The following RNF125 variants were observed in gnomAD, a reference collection of about 807,000 sequenced individuals.
The protein encoded by RNF125 is ring finger protein 125, also known as E3 ubiquitin-protein ligase RNF125.
Under a neutral mutation model 26.0 loss-of-function variants are expected in RNF125, and 21 were observed. The ratio of observed to expected loss-of-function variants is 0.81; its 90% CI spans 0.57 to 1.16. The LOEUF is 1.16. Ranked by LOEUF, RNF125 falls within the 50% of genes most tolerant of loss-of-function variation. The pLI is 0.00. For synonymous variants in RNF125, 95 were observed against 109.2 expected, an observed-to-expected ratio of 0.87 and a Z score of 0.81; for missense variants, 270 against 299.4, an observed-to-expected ratio of 0.90 and a Z score of 0.72.
chr18:32,052,654 G>A (rs1243728543), intron 4 of RNF125, among the ~76,000 whole-genome samples: 1 of 152,144 alleles, frequency 6.6e-6, no homozygotes, highest in East Asian at 1.9e-4. Context: ...CACATGGGAA[G>A]TGTTCTATAA....
intron 4 of RNF125, among the ~76,000 whole-genome samples, chr18:32,053,697 G>C (rs1367686205): frequency 1.3e-5 from 2 of 151,970 alleles, no homozygotes; most frequent in Non-Finnish European, 2.9e-5. Context: ...GAGCGCGGGA[G>C]GTAGAGGCTG....
intron 4 of RNF125, among the ~76,000 whole-genome samples, chr18:32,061,865 A>C (rs1340833191): frequency 1.3e-5 from 2 of 152,224 alleles, no homozygotes; most frequent in African/African-American, 4.8e-5. Context: ...TATAATAGTA[A>C]ATGGTGTATT....
the RNF125 span, among the ~76,000 whole-genome samples, chr18:32,089,796 C>T: frequency 6.6e-6 from 1 of 152,042 alleles, no homozygotes; most frequent in East Asian, 1.9e-4. Context: ...AGTAAAGCTG[C>T]CGTTGCAGAG....
the RNF125 span, among the ~76,000 whole-genome samples, chr18:32,089,866 A>G: frequency 3.3e-5 from 5 of 152,214 alleles, no homozygotes; most frequent in Non-Finnish European, 7.3e-5. Flanking sequence ...GATATTCCCA[A>G]TGAATAATGG....
At position 32,042,179 on chromosome 18, in the gene RNF125, G is replaced by T; in HGVS notation, c.319G>T (p.Val107Phe). The T allele has an allele frequency of 6.2e-7, 1 of 1,609,794 alleles. No individual in the cohort carries two copies. The highest frequency in any genetic ancestry group is 1.1e-5 in the South Asian group (1 of 90,858). Residue 107 changes from valine to phenylalanine, a missense_variant and splice_region_variant, in exon 3 of 6, where the codon GTT becomes TTT. Transcript: ENST00000217740. ...TTATTTTGAATTTGTTTTTATGTAG[G>T]TTTGCCTCAGTGAAATGAGGGCACA... The part of the protein sequence containing the change: ...YKNCAECDTL[V>F]CLSEMRAHIR...
At chr18:32,057,373 T>A (rs1470094956) in intron 4 of RNF125, among the ~76,000 whole-genome samples, 1 of 151,490 alleles carries the variant, frequency 6.6e-6, no homozygotes, top group African/African-American at 2.4e-5. Context: ...TTGCTGTTGT[T>A]GCCTAGGCTG....
At chr18:32,026,266 T>TTTG (rs1243030569) in intron 1 of RNF125, among the ~76,000 whole-genome samples, 1 of 145,094 alleles carries the variant, frequency 6.9e-6, no homozygotes, top group Non-Finnish European at 1.5e-5. Context: ...TTTTTTTTTT[T>TTTG]GAGATGTAGT....
At chr18:32,054,444 TTC>T (rs1168339461) in intron 4 of RNF125, among the ~76,000 whole-genome samples, 1 of 152,198 alleles carries the variant, frequency 6.6e-6, no homozygotes, top group African/African-American at 2.4e-5. Context: ...TCCTAATATT[TTC>T]TCTGTCCCAT....
intron 5 of RNF125, among the ~76,000 whole-genome samples, chr18:32,067,460 T>G (rs1364719041): frequency 6.6e-6 from 1 of 152,208 alleles, no homozygotes; most frequent in Non-Finnish European, 1.5e-5. Context: ...CTGGAAGTAG[T>G]GTTCTTTGTT....
intron 4 of RNF125, among the ~76,000 whole-genome samples, chr18:32,064,524 A>G (rs1349548282): frequency 6.8e-6 from 1 of 147,752 alleles, no homozygotes; most frequent in African/African-American, 2.5e-5. Flanking sequence ...ACATTTCAAC[A>G]TGAGATTTGG....
chr18:32,055,850 A>G (rs889394550), intron 4 of RNF125, among the ~76,000 whole-genome samples: 1 of 151,794 alleles, frequency 6.6e-6, no homozygotes, highest in South Asian at 2.1e-4. Flanking sequence ...GTGGTGGCGC[A>G]TGCCTGTAAT....
intron 1 of RNF125, among the ~76,000 whole-genome samples, chr18:32,033,499 TG>T (rs1309694771): frequency 6.8e-6 from 1 of 146,630 alleles, no homozygotes; most frequent in Non-Finnish European, 1.5e-5. Context: ...CACTCCAGCC[TG>T]GGCAACAAAG....
chr18:32,026,066 CTT>C (rs34424595), intron 1 of RNF125, among the ~76,000 whole-genome samples: 7 of 132,222 alleles, frequency 5.3e-5, no homozygotes, highest in African/African-American at 5.7e-5. Flanking sequence ...TTAAAAAAAA[CTT>C]TTTTTTTTTT....
chr18:32,066,936 T>G (rs1048385870), intron 5 of RNF125, among the ~76,000 whole-genome samples: 1 of 152,196 alleles, frequency 6.6e-6, no homozygotes, highest in Non-Finnish European at 1.5e-5. Context: ...TTCTGGTCTA[T>G]GTGTTCTCTC....
chr18:32,085,723 A>AAAAAAAAAAAG, the RNF125 span, among the ~76,000 whole-genome samples: 1 of 146,224 alleles, frequency 6.8e-6, no homozygotes, highest in African/African-American at 2.7e-5. Context: ...AAAAAAAAAA[A>AAAAAAAAAAAG]AGAGAGAGAG....
At chr18:32,061,125 C>T (rs951750443) in intron 4 of RNF125, among the ~76,000 whole-genome samples, 27 of 152,184 alleles carry the variant, frequency 1.8e-4, no homozygotes, top group African/African-American at 5.1e-4. Context: ...CCTGGGTTCA[C>T]GCCATTCTCC....
At chr18:32,063,018 G>A (rs1346789551) in intron 4 of RNF125, among the ~76,000 whole-genome samples, 1 of 151,918 alleles carries the variant, frequency 6.6e-6, no homozygotes, top group Non-Finnish European at 1.5e-5. Context: ...TCAGGAGTTC[G>A]TGACCAGCCT....
At chr18:32,033,150 G>A (rs1021905586) in intron 1 of RNF125, among the ~76,000 whole-genome samples, 2 of 152,214 alleles carry the variant, frequency 1.3e-5, no homozygotes, top group African/African-American at 4.8e-5. Flanking sequence ...CCCAACAGGT[G>A]TGTGGGTTTA....
At chr18:32,024,461 T>A (rs143987612) in intron 1 of RNF125, among the ~76,000 whole-genome samples, 52 of 152,250 alleles carry the variant, frequency 3.4e-4, no homozygotes, top group African/African-American at 1.1e-3. Flanking sequence ...TTTATTTGTT[T>A]GTTTTTAGAG....
Sources: allele counts gnomAD v4.1 joint callset (sites outside exome capture counted in the v4.1 genomes callset), GRCh38; gene constraint gnomAD v4.1.1; transcripts MANE v1.5; gene names NCBI Gene and HGNC (gene_info 2026-07-23, HGNC 2026-07-21).